Variants in CACNB2 observed in about 807,000 individuals in gnomAD.
CACNB2 encodes the protein voltage-dependent L-type calcium channel subunit beta-2.
In CACNB2, 42 loss-of-function variants were observed where a neutral mutation model predicts 73.3. The observed-to-expected ratio is 0.57, with a 90% CI of 0.45 to 0.74. The LOEUF (loss-of-function observed/expected upper bound fraction) is 0.74. Among genes scored for constraint, CACNB2 ranks in the 30% least tolerant of loss-of-function variants. The pLI is 0.00. For missense variants in CACNB2, 940 were observed against 853.0 expected (o/e 1.10, Z -1.27); for synonymous variants, 348 against 310.3 (o/e 1.12, Z -1.28).
intron 2 of CACNB2, among the ~76,000 whole-genome samples, chr10:18,287,655 A>C (rs1003732913): frequency 1.3e-5 from 2 of 152,202 alleles, no homozygotes; most frequent in Non-Finnish European, 2.9e-5. Context: ...GTTTAAGACC[A>C]GCCTAGGCAA....
In CACNB2 at chr10:18,177,379, G is replaced by A. The variant is rs146974094; in HGVS notation, c.213+26404G>A. The stretch of plus-strand genomic sequence containing the variant: ...TCATGCCTATAATCCCAGCACTTTG[G>A]GAGGCCAAAGTGGGTGGATCACTTG... On this transcript the variant is annotated intron_variant, in intron 2 of 13. Transcript: ENST00000324631. 1.1e-4 allele frequency among the ~76,000 whole-genome samples: 16 copies of A among 151,910 alleles called. No homozygotes were observed. In the East Asian group the frequency reaches 2.9e-3, roughly 28 times the overall value.
intron 2 of CACNB2, among the ~76,000 whole-genome samples, chr10:18,226,029 TC>T (rs1434015519): frequency 2.9e-5 from 4 of 139,174 alleles, no homozygotes; most frequent in African/African-American, 1.3e-4. Context: ...TCTTTTCTTT[TC>T]TTTTTTTTTT....
chr10:18,524,441 A>G (rs1198699727), intron 9 of CACNB2, among the ~76,000 whole-genome samples: 2 of 151,940 alleles, frequency 1.3e-5, no homozygotes, highest in East Asian at 3.9e-4. Flanking sequence ...AGATCACTTG[A>G]GGCCAGGAGT....
At chr10:18,439,188 A>G (rs1215244011) in intron 3 of CACNB2, among the ~76,000 whole-genome samples, 2 of 152,236 alleles carry the variant, frequency 1.3e-5, no homozygotes, top group African/African-American at 4.8e-5. Context: ...CATTTTAAAC[A>G]AAGAAAAGGG....
At chr10:18,323,032 G>A (rs1226077473) in intron 2 of CACNB2, among the ~76,000 whole-genome samples, 1 of 142,942 alleles carries the variant, frequency 7.0e-6, no homozygotes, top group African/African-American at 2.6e-5. Context: ...GCATGATCAT[G>A]GCCCATTGCT....
At chr10:18,409,023 T>A (rs1411424069) in intron 3 of CACNB2, among the ~76,000 whole-genome samples, 1 of 149,402 alleles carries the variant, frequency 6.7e-6, no homozygotes, top group Non-Finnish European at 1.5e-5. Flanking sequence ...TCGCTAACAT[T>A]TTTTAAAATT....
intron 2 of CACNB2, among the ~76,000 whole-genome samples, chr10:18,347,621 G>A (rs2041522103): frequency 6.6e-6 from 1 of 151,920 alleles, no homozygotes; most frequent in Non-Finnish European, 1.5e-5. Context: ...CTGTCTGGAA[G>A]GCTATAAAAG....
chr10:18,470,363 T>G (rs1216260057), intron 3 of CACNB2, among the ~76,000 whole-genome samples: 2 of 149,124 alleles, frequency 1.3e-5, no homozygotes, highest in Non-Finnish European at 3.0e-5. Context: ...CTGTGATATA[T>G]TGCATATATT....
In CACNB2 at chr10:18,190,886, A is replaced by G. The variant is rs1205017029; in HGVS notation, c.213+39911A>G. On this transcript the variant is annotated intron_variant, in intron 2 of 13. Coordinates refer to ENST00000324631, the MANE Select transcript of CACNB2 (RefSeq NM_201596.3). ...GTATCAGCAAAGGTCTTGAAGCCAT[A>G]TTAGGAGTTTGCTCCAAGGGCAATG... Among the ~76,000 whole-genome samples, 5 of 152,250 alleles carry G rather than the reference A, an allele frequency of 3.3e-5. No homozygotes were observed. The East Asian group carries it at 5.8e-4, about 18-fold the overall frequency.
At chr10:18,487,431 T>G (rs2049123166) in intron 3 of CACNB2, among the ~76,000 whole-genome samples, 1 of 152,228 alleles carries the variant, frequency 6.6e-6, no homozygotes, top group South Asian at 2.1e-4. Flanking sequence ...CCCTCACTGT[T>G]TGCTGAAATA....
intron 2 of CACNB2, among the ~76,000 whole-genome samples, chr10:18,275,425 T>C (rs1002345785): frequency 3.3e-5 from 5 of 152,166 alleles, no homozygotes; most frequent in Non-Finnish European, 5.9e-5. Context: ...GAATATCAGC[T>C]TCTAGGAGCT....
chr10:18,215,856 C>T (rs893475594), intron 2 of CACNB2, among the ~76,000 whole-genome samples: 3 of 152,100 alleles, frequency 2.0e-5, no homozygotes, highest in Non-Finnish European at 2.9e-5. Flanking sequence ...TTTTCAGTCT[C>T]GTGTTGGTGC....
intron 3 of CACNB2, among the ~76,000 whole-genome samples, chr10:18,491,363 C>G (rs1454118014): frequency 6.6e-6 from 1 of 152,166 alleles, no homozygotes; most frequent in Non-Finnish European, 1.5e-5. Flanking sequence ...GCGGGAGGAT[C>G]ACTTGAGGCC....
chr10:18,315,342 CAA>C (rs1589020869), intron 2 of CACNB2, among the ~76,000 whole-genome samples: 2 of 146,630 alleles, frequency 1.4e-5, no homozygotes, highest in African/African-American at 2.5e-5. Flanking sequence ...AAAAACAAAA[CAA>C]AACAAAACAA....
Position 18,498,812 on chromosome 10 carries a change from C to G in CACNB2, c.456+335C>G, listed in dbSNP as rs1319927438. On this transcript the variant is annotated intron_variant, in intron 4 of 13. Transcript: ENST00000324631. ...GACTAGGTGTAGTTTTTCCTGATGC[C>G]TGAAGTCTAGGCATCTGGGGAGGGT... 6.5e-6 allele frequency: 2 copies of G among 307,522 alleles called. 1 individual carries two copies. The highest frequency in any genetic ancestry group is 6.2e-5 in the South Asian group (2 of 32,488). The allele number at this position is 307,522 out of a possible 1,614,324, so 19.0% of individuals were successfully genotyped here.
chr10:18,225,833 T>C (rs755724919), intron 2 of CACNB2, among the ~76,000 whole-genome samples: 13 of 151,888 alleles, frequency 8.6e-5, no homozygotes, highest in Non-Finnish European at 1.8e-4. Flanking sequence ...AGAAATGGGG[T>C]CCCACTATGT....
intron 2 of CACNB2, among the ~76,000 whole-genome samples, chr10:18,272,129 G>T (rs2038079791): frequency 6.6e-6 from 1 of 151,938 alleles, no homozygotes; most frequent in Non-Finnish European, 1.5e-5. Context: ...TCATTATTGG[G>T]TGAATCAGTT....
At chr10:18,369,062 T>C (rs2042470096) in intron 2 of CACNB2, among the ~76,000 whole-genome samples, 1 of 152,184 alleles carries the variant, frequency 6.6e-6, no homozygotes, top group African/African-American at 2.4e-5. Flanking sequence ...AGTATTCAAA[T>C]GTTTAAAAGC....
At chr10:18,182,578 T>G (rs1429369416) in intron 2 of CACNB2, among the ~76,000 whole-genome samples, 1 of 150,508 alleles carries the variant, frequency 6.6e-6, no homozygotes, top group African/African-American at 2.4e-5. Flanking sequence ...TCCCAGCACT[T>G]TGGGAGGCAG....
Sources: gnomAD v4.1 joint callset for allele counts (sites outside exome capture counted in the v4.1 genomes callset) on GRCh38, gnomAD v4.1.1 for gene constraint, MANE v1.5 for transcripts, NCBI Gene and HGNC (gene_info 2026-07-23, HGNC 2026-07-21) for gene names.